Variants in EPHA3 observed in about 807,000 individuals in gnomAD.
EPHA3 encodes the protein ephrin type-A receptor 3.
In EPHA3, 42 loss-of-function variants were observed where a neutral mutation model predicts 107.1. The ratio of observed to expected loss-of-function variants is 0.39; its 90% CI spans 0.31 to 0.51. EPHA3 has a LOEUF of 0.51. Ranked by LOEUF, EPHA3 falls within the 20% of genes least tolerant of loss-of-function variation. The probability of loss-of-function intolerance (pLI) is 0.78; values close to 1 mark genes in which losing one functional copy is unlikely to be tolerated. For synonymous variants in EPHA3, 461 were observed against 424.8 expected, an observed-to-expected ratio of 1.09 and a Z score of -1.05; for missense variants, 1,183 against 1,211.2, an observed-to-expected ratio of 0.98 and a Z score of 0.35.
intron 2 of EPHA3, among the ~76,000 whole-genome samples, chr3:89,139,045 A>G (rs1490349521): frequency 6.6e-6 from 1 of 151,868 alleles, no homozygotes. Flanking sequence ...TCCCTTCTGT[A>G]TAACAGTCAA....
intron 2 of EPHA3, among the ~76,000 whole-genome samples, chr3:89,204,539 T>A (rs1014692443): frequency 6.6e-6 from 1 of 151,758 alleles, no homozygotes; most frequent in African/African-American, 2.4e-5. Context: ...ATTCCTCATT[T>A]GTCTCAACTA....
chr3:89,432,150 T>C (rs1444690016), intron 13 of EPHA3, among the ~76,000 whole-genome samples: 3 of 152,160 alleles, frequency 2.0e-5, no homozygotes, highest in Non-Finnish European at 4.4e-5. Context: ...TCATAATTGT[T>C]ATGAGCCTCA....
At chr3:89,296,188 T>C (rs1221727649) in intron 3 of EPHA3, among the ~76,000 whole-genome samples, 1 of 152,230 alleles carries the variant, frequency 6.6e-6, no homozygotes, top group Non-Finnish European at 1.5e-5. Flanking sequence ...TGACATCTTC[T>C]CCTGAATCAC....
intron 5 of EPHA3, among the ~76,000 whole-genome samples, chr3:89,344,575 T>C (rs1305145877): frequency 6.6e-6 from 1 of 152,154 alleles, no homozygotes; most frequent in Non-Finnish European, 1.5e-5. Flanking sequence ...AGGGAGTGTT[T>C]CTTTGTTTTC....
chr3:89,121,365 A>C (rs1418169175), intron 1 of EPHA3, among the ~76,000 whole-genome samples: 1 of 152,254 alleles, frequency 6.6e-6, no homozygotes, highest in Non-Finnish European at 1.5e-5. Flanking sequence ...AGTTTACAGG[A>C]ACTTTTATCT....
At chr3:89,231,700 T>C (rs1454352902) in intron 3 of EPHA3, among the ~76,000 whole-genome samples, 1 of 152,132 alleles carries the variant, frequency 6.6e-6, no homozygotes, top group Non-Finnish European at 1.5e-5. Context: ...GAAAAAATAA[T>C]ATCCTTTCCC....
chr3:89,315,128 A>G (rs1168584728), intron 3 of EPHA3, among the ~76,000 whole-genome samples: 2 of 151,898 alleles, frequency 1.3e-5, no homozygotes, highest in South Asian at 2.1e-4. Context: ...CACGCTGTCC[A>G]TCATTGACTG....
chr3:89,334,658 A>G (rs1707356804), intron 3 of EPHA3, among the ~76,000 whole-genome samples: 1 of 152,216 alleles, frequency 6.6e-6, no homozygotes, highest in East Asian at 1.9e-4. Context: ...TATAGGGTGC[A>G]CAAAATGAAT....
intron 15 of EPHA3, among the ~76,000 whole-genome samples, chr3:89,459,961 T>C (rs140267354): frequency 6.6e-6 from 1 of 152,350 alleles, no homozygotes; most frequent in African/African-American, 2.4e-5. Flanking sequence ...ACATTTATTT[T>C]TTAAAAACAT....
chr3:89,162,603 G>A (rs73845993), intron 2 of EPHA3, among the ~76,000 whole-genome samples: 5,116 of 152,244 alleles, frequency 0.034, 305 homozygotes, highest in African/African-American at 0.12. Context: ...TATGCTGAAT[G>A]TTTAGAAAGG....
intron 11 of EPHA3, among the ~76,000 whole-genome samples, chr3:89,425,379 A>T (rs750412487): frequency 2.1e-5 from 3 of 145,232 alleles, no homozygotes; most frequent in Admixed American, 6.9e-5. Context: ...AATTTTGTCA[A>T]TTTTTTTCAA....
chr3:89,450,438 T>A (rs1249137761), intron 15 of EPHA3, 68 bp downstream of exon 15: 6 of 1,481,166 alleles, frequency 4.1e-6, no homozygotes, highest in Middle Eastern at 2.4e-4. Flanking sequence ...AAGATGTTAA[T>A]TTTTTTAGCC....
chr3:89,127,310 C>T (rs1439447477), intron 2 of EPHA3, 37 bp downstream of exon 2: 2 of 1,489,652 alleles, frequency 1.3e-6, no homozygotes, highest in Non-Finnish European at 1.9e-6. Flanking sequence ...AACATTTTCT[C>T]TATTACCTGT....
intron 3 of EPHA3, among the ~76,000 whole-genome samples, chr3:89,282,526 A>G (rs1004429481): frequency 6.6e-6 from 1 of 152,016 alleles, no homozygotes; most frequent in African/African-American, 2.4e-5. Flanking sequence ...CTACACATGG[A>G]AGAGCAAACC....
At chr3:89,257,930 G>A (rs1158027513) in intron 3 of EPHA3, among the ~76,000 whole-genome samples, 4 of 152,112 alleles carry the variant, frequency 2.6e-5, no homozygotes, top group African/African-American at 4.8e-5. Context: ...GAATATTCAC[G>A]TGAACTCTGT....
At chr3:89,211,208 A>G (rs1185213620) in intron 3 of EPHA3, among the ~76,000 whole-genome samples, 2 of 152,092 alleles carry the variant, frequency 1.3e-5, no homozygotes. Context: ...AATATCACAG[A>G]ACTAGAACTC....
intron 13 of EPHA3, among the ~76,000 whole-genome samples, chr3:89,437,089 A>T (rs142207545): frequency 2.5e-4 from 38 of 152,238 alleles, no homozygotes; most frequent in African/African-American, 8.4e-4. Context: ...ATTATTATGA[A>T]AATAGTTTCT....
intron 7 of EPHA3, among the ~76,000 whole-genome samples, chr3:89,406,620 C>T (rs763087057): frequency 2.3e-4 from 35 of 152,130 alleles, no homozygotes; most frequent in Non-Finnish European, 3.7e-4. Context: ...CATGAAATCT[C>T]ATTCTTTTGA....
At chr3:89,382,180 C>T (rs1251525640) in intron 5 of EPHA3, among the ~76,000 whole-genome samples, 9 of 151,956 alleles carry the variant, frequency 5.9e-5, no homozygotes, top group African/African-American at 1.7e-4. Context: ...AGGTATGGTG[C>T]GGCCAACAGA....
Sources: gnomAD v4.1 joint callset for allele counts (sites outside exome capture counted in the v4.1 genomes callset) on GRCh38, gnomAD v4.1.1 for gene constraint, MANE v1.5 for transcripts, NCBI Gene and HGNC (gene_info 2026-07-23, HGNC 2026-07-21) for gene names.